Variants in KANSL1L observed in about 807,000 individuals in gnomAD.
KANSL1L encodes KAT8 regulatory NSL complex subunit 1-like protein.
In KANSL1L, 25 loss-of-function variants were observed where a neutral mutation model predicts 108.6. The ratio of observed to expected loss-of-function variants is 0.23; its 90% confidence interval spans 0.17 to 0.32. The LOEUF is 0.32. Among genes scored for constraint, KANSL1L ranks in the 10% least tolerant of loss-of-function variants. The pLI, the probability that KANSL1L is intolerant of heterozygous loss-of-function variation, is 1.00. For synonymous variants in KANSL1L, 405 were observed against 395.1 expected, an observed-to-expected ratio of 1.03 and a Z score of -0.30; for missense variants, 1,137 against 1,125.7, an observed-to-expected ratio of 1.01 and a Z score of -0.14.
At chr2:210,127,829 AT>A (rs2095082488) in intron 3 of KANSL1L, among the ~76,000 whole-genome samples, 1 of 148,758 alleles carries the variant, frequency 6.7e-6, no homozygotes, top group African/African-American at 2.5e-5. Flanking sequence ...AAAGCAACAC[AT>A]AGAATAGGAA....
At chr2:210,032,899 TA>T (rs2094039655) in intron 8 of KANSL1L, 1 of 152,084 alleles carries the variant, frequency 6.6e-6, no homozygotes, top group South Asian at 2.1e-4. Flanking sequence ...AGCAACTCTT[TA>T]AAACAGTATT....
At chr2:210,164,925 G>C (rs1286762849) in intron 1 of KANSL1L, among the ~76,000 whole-genome samples, 5 of 149,604 alleles carry the variant, frequency 3.3e-5, no homozygotes, top group Admixed American at 6.7e-5. Context: ...GAGTGCAATG[G>C]CACAATCTCA....
intron 2 of KANSL1L, among the ~76,000 whole-genome samples, chr2:210,138,387 G>A (rs936981043): frequency 1.3e-5 from 2 of 151,920 alleles, no homozygotes; most frequent in African/African-American, 4.8e-5. Context: ...CCTGGACAAT[G>A]GGATCAATCA....
At chr2:210,043,855 GATTT>G (rs761712911) in intron 7 of KANSL1L, 80 bp downstream of exon 7, 125 of 935,628 alleles carry the variant, frequency 1.3e-4, no homozygotes, top group Non-Finnish European at 1.6e-4. Flanking sequence ...GATAAAATAA[GATTT>G]ATTAGATTCT....
At chr2:210,066,182 A>G (rs939716362) in intron 6 of KANSL1L, among the ~76,000 whole-genome samples, 3 of 152,168 alleles carry the variant, frequency 2.0e-5, no homozygotes, top group African/African-American at 7.2e-5. Flanking sequence ...AAGAACTCCT[A>G]GCTTCTATAT....
intron 2 of KANSL1L, among the ~76,000 whole-genome samples, chr2:210,148,019 C>G (rs944036240): frequency 6.6e-6 from 1 of 152,068 alleles, no homozygotes; most frequent in Non-Finnish European, 1.5e-5. Context: ...CCCCTTTTTT[C>G]TTTGGTGAAT....
At chr2:210,101,236 G>C (rs1455091371) in intron 4 of KANSL1L, among the ~76,000 whole-genome samples, 1 of 152,168 alleles carries the variant, frequency 6.6e-6, no homozygotes, top group Non-Finnish European at 1.5e-5. Context: ...GCTGAGCGCA[G>C]ATGGAGGCTA....
chr2:210,153,525 T>A lies in KANSL1L; in HGVS notation c.1058A>T (p.Asp353Val). ...CACATTTTTTCTAAGGGTATATTCATCCAAATCGTCATCAGAGCTGCTATC... is the reference window on the plus strand; with the variant it reads ...CACATTTTTTCTAAGGGTATATTCAACCAAATCGTCATCAGAGCTGCTATC... ...ATDSSSDDDL[D>V]EYTLRKNVAV... Residue 353 changes from aspartate to valine, a missense_variant, in exon 2 of 15, where the codon GAT (aspartate) becomes GTT (valine). Physicochemically the swap from Asp to Val is radical, Grantham distance 152. This residue lies in a region of KANSL1L where 556 missense variants were observed against 537.7 expected (regional missense o/e 1.03). Coordinates refer to ENST00000281772, the MANE Select transcript of KANSL1L (RefSeq NM_152519.4). 1 of 1,614,140 alleles carries A rather than the reference T, an allele frequency of 6.2e-7. No homozygotes were observed. The highest frequency in any genetic ancestry group is 8.5e-7 in the Non-Finnish European group (1 of 1,180,028).
chr2:210,100,240 T>C (rs1353110160), intron 4 of KANSL1L, among the ~76,000 whole-genome samples: 2 of 152,104 alleles, frequency 1.3e-5, no homozygotes, highest in Admixed American at 1.3e-4. Context: ...TGCCTGATGA[T>C]CTGAGGTGGA....
intron 6 of KANSL1L, among the ~76,000 whole-genome samples, chr2:210,060,180 A>G (rs2094404390): frequency 6.6e-6 from 1 of 152,206 alleles, no homozygotes; most frequent in Non-Finnish European, 1.5e-5. Context: ...GGAAATGAAA[A>G]CTTTCAAATG....
At chr2:210,115,929 G>T (rs904241670) in intron 3 of KANSL1L, among the ~76,000 whole-genome samples, 2 of 152,192 alleles carry the variant, frequency 1.3e-5, no homozygotes, top group Non-Finnish European at 2.9e-5. Flanking sequence ...AGGAACACCA[G>T]ATTGAACACT....
intron 4 of KANSL1L, among the ~76,000 whole-genome samples, chr2:210,099,278 G>A (rs1366549038): frequency 1.3e-5 from 2 of 152,006 alleles, no homozygotes; most frequent in Non-Finnish European, 2.9e-5. Flanking sequence ...AAATACAGAC[G>A]TAGTTCAACA....
intron 1 of KANSL1L, among the ~76,000 whole-genome samples, chr2:210,158,715 AAC>A (rs1254922507): frequency 2.0e-5 from 3 of 152,004 alleles, no homozygotes; most frequent in Non-Finnish European, 4.4e-5. Context: ...AAAAAAAAAA[AAC>A]CTAGCCTAAG....
intron 2 of KANSL1L, among the ~76,000 whole-genome samples, chr2:210,131,743 A>G (rs1308369494): frequency 6.6e-6 from 1 of 150,592 alleles, no homozygotes; most frequent in Admixed American, 6.6e-5. Flanking sequence ...TGTGTCGTCC[A>G]GGCTGGAGTG....
intron 2 of KANSL1L, among the ~76,000 whole-genome samples, chr2:210,141,248 C>T (rs1469219215): frequency 2.0e-5 from 3 of 147,820 alleles, no homozygotes; most frequent in African/African-American, 5.0e-5. Flanking sequence ...ATTTTTATGC[C>T]TAATGAACCT....
At chr2:210,048,673 TTTTG>T (rs370982744) in intron 6 of KANSL1L, among the ~76,000 whole-genome samples, 171 of 152,218 alleles carry the variant, frequency 1.1e-3, no homozygotes, top group African/African-American at 3.7e-3. Flanking sequence ...ATGGTTTTGT[TTTTG>T]TTTGTTCATT....
chr2:210,052,733 C>A (rs747574259), intron 6 of KANSL1L, among the ~76,000 whole-genome samples: 13 of 152,196 alleles, frequency 8.5e-5, no homozygotes, highest in Non-Finnish European at 1.8e-4. Flanking sequence ...CCCTTTCTGT[C>A]ATGTTCACCA....
intron 6 of KANSL1L, among the ~76,000 whole-genome samples, chr2:210,046,165 C>T (rs1044812440): frequency 6.6e-6 from 1 of 152,140 alleles, no homozygotes; most frequent in Non-Finnish European, 1.5e-5. Context: ...TTCCCAAAGG[C>T]CCTATCCAAA....
At chr2:210,065,130 C>T (rs370470001) in intron 6 of KANSL1L, among the ~76,000 whole-genome samples, 179 of 151,138 alleles carry the variant, frequency 1.2e-3, no homozygotes, top group African/African-American at 4.0e-3. Context: ...CCCATCTCTA[C>T]TAAAAATACA....
Sources: allele counts gnomAD v4.1 joint callset (sites outside exome capture counted in the v4.1 genomes callset), GRCh38; gene constraint gnomAD v4.1.1; regional missense constraint gnomAD v4.1.1; transcripts MANE v1.5; gene names NCBI Gene and HGNC (gene_info 2026-07-23, HGNC 2026-07-21).